Variants in HEATR5A observed in about 807,000 individuals in gnomAD.
HEATR5A encodes the protein HEAT repeat-containing protein 5A.
In HEATR5A, 178 loss-of-function variants were observed where a neutral mutation model predicts 218.8. The observed-to-expected ratio is 0.81, with a 90% CI of 0.72 to 0.92. The LOEUF is 0.92. Ranked by LOEUF, HEATR5A falls within the 40% of genes least tolerant of loss-of-function variation. The pLI, the probability that HEATR5A is intolerant of heterozygous loss-of-function variation, is 0.00. For synonymous variants in HEATR5A, 864 were observed against 871.6 expected (o/e 0.99, Z 0.15); for missense variants, 2,420 against 2,418.9 (o/e 1.00, Z -0.01).
In HEATR5A at chr14:31,326,424, C is replaced by A; in HGVS notation, c.3368-82G>T. ...GAAGCTCACACATTCAGTAGTTATT[C>A]AAATAGTAGATAAAAATACATCTTA... On this transcript the variant is annotated intron_variant, in intron 22 of 35. Coordinates refer to ENST00000543095, the MANE Select transcript of HEATR5A (RefSeq NM_015473.4). 3 of 968,140 alleles carry A rather than the reference C, an allele frequency of 3.1e-6. No homozygotes were observed. The South Asian group carries it at 4.7e-5, about 15-fold the overall frequency. The allele number at this position is 968,140 out of a possible 1,614,324, so 60.0% of individuals were successfully genotyped here.
intron 6 of HEATR5A, among the ~76,000 whole-genome samples, 184 bp downstream of exon 6, chr14:31,393,868 A>C (rs956516714): frequency 2.0e-5 from 3 of 152,110 alleles, no homozygotes; most frequent in African/African-American, 7.2e-5. Context: ...GACTGGTCTC[A>C]AACTTGTGAC....
intron 10 of HEATR5A, among the ~76,000 whole-genome samples, chr14:31,381,961 AAAG>A (rs1185492192): frequency 1.3e-5 from 2 of 152,228 alleles, no homozygotes; most frequent in East Asian, 3.8e-4. Flanking sequence ...TAAATTTTCT[AAAG>A]AAGAAGGCTA....
chr14:31,387,918 G>C (rs1266365474), intron 7 of HEATR5A, among the ~76,000 whole-genome samples: 1 of 152,014 alleles, frequency 6.6e-6, no homozygotes, highest in Non-Finnish European at 1.5e-5. Flanking sequence ...TTTTATTTTG[G>C]TCAGACTACA....
intron 16 of HEATR5A, among the ~76,000 whole-genome samples, chr14:31,351,508 G>GAAAAAAAAAA (rs71430949): frequency 7.7e-6 from 1 of 129,322 alleles, no homozygotes; most frequent in Non-Finnish European, 1.7e-5. Context: ...AAGAAAGAAA[G>GAAAAAAAAAA]AAAAAAAAAA....
intron 11 of HEATR5A, among the ~76,000 whole-genome samples, chr14:31,378,539 G>T (rs747322240): frequency 1.2e-4 from 19 of 152,138 alleles, no homozygotes; most frequent in Non-Finnish European, 1.8e-4. Flanking sequence ...TGTAATCCCA[G>T]CGCTTTGGGA....
At position 31,337,580 on chromosome 14, in the gene HEATR5A, C is replaced by G; in HGVS notation, c.3263G>C (p.Arg1088Thr). Residue 1088 changes from arginine to threonine, a missense_variant, in exon 22 of 36, where the codon AGA becomes ACA. Transcript: ENST00000543095. Reference sequence around the variant, plus strand: ...CTGACGTAAGCAAGCCAGTACTGCTCTTCTCAGTAACAAGTAGGGGCTACA... The same window carrying G: ...CTGACGTAAGCAAGCCAGTACTGCTGTTCTCAGTAACAAGTAGGGGCTACA... ...NLCSPYLLLR[R>T]AVLACLRQLV... 6.2e-7 allele frequency: 1 copy of G among 1,600,328 alleles called. No homozygotes were observed. The highest frequency in any genetic ancestry group is 8.5e-7 in the Non-Finnish European group (1 of 1,173,264).
intron 22 of HEATR5A, among the ~76,000 whole-genome samples, chr14:31,326,683 C>T (rs1350588696): frequency 1.3e-5 from 2 of 151,762 alleles, no homozygotes; most frequent in African/African-American, 4.8e-5. Context: ...ACTCTTGTTG[C>T]CCAGGCTAGA....
At position 31,306,836 on chromosome 14, in the gene HEATR5A, A is replaced by C. The variant is rs1899569696; in HGVS notation, c.4862T>G (p.Leu1621Ter). ...CTGAATGGAAGGTGATTCTCTGGTT[A>C]AAATTACTCGATGTAGAACATTCAG... is the stretch of plus-strand genomic sequence containing the variant. ...ELLNVLHRVI[L>*]TRESPSIQLA... is the part of the protein sequence containing the mutation. Residue 1621 changes from leucine to a stop codon, truncating the protein, a stop_gained, in exon 31 of 36, where the codon TTA (leucine) becomes TGA (stop). Transcript: ENST00000543095. LOFTEE classifies it high-confidence loss of function. The C allele has an allele frequency of 9.3e-6, 15 of 1,613,630 alleles. No homozygotes were observed. The highest frequency in any genetic ancestry group is 1.2e-5 in the Non-Finnish European group (14 of 1,179,654).
intron 4 of HEATR5A, among the ~76,000 whole-genome samples, chr14:31,396,259 G>A (rs1469301514): frequency 2.0e-5 from 3 of 151,972 alleles, no homozygotes; most frequent in African/African-American, 4.8e-5. Flanking sequence ...AGGAGACTGA[G>A]GTGGGAGCGT....
At chr14:31,314,223 T>C (rs886229783) in intron 27 of HEATR5A, among the ~76,000 whole-genome samples, 12 of 151,266 alleles carry the variant, frequency 7.9e-5, no homozygotes, top group Non-Finnish European at 1.5e-4. Flanking sequence ...GCTGGGATTA[T>C]AGGCGTGAGC....
At chr14:31,377,404 T>C (rs1264632933) in intron 11 of HEATR5A, among the ~76,000 whole-genome samples, 1 of 97,384 alleles carries the variant, frequency 1.0e-5, no homozygotes, top group Non-Finnish European at 2.1e-5. Context: ...TTCCATGAGC[T>C]CATAATGATA....
rs1899501298 is a variant in HEATR5A, at chr14:31,304,717, C to T, written c.5239+188G>A. Among the ~76,000 whole-genome samples, 3 of 152,278 alleles carry T rather than the reference C, an allele frequency of 2.0e-5. No individual in the cohort carries two copies. The South Asian group carries it at 6.2e-4, about 32-fold the overall frequency. ...CAGGCGTGAGCCATTGCGCCTAGCCCTCTATATTTTTACTTTTAGTAAAAC... is the reference window on the plus strand; with the variant it reads ...CAGGCGTGAGCCATTGCGCCTAGCCTTCTATATTTTTACTTTTAGTAAAAC... On this transcript the variant is annotated intron_variant, in intron 32 of 35. Transcript: ENST00000543095.
chr14:31,382,719 T>C (rs1216580740), intron 10 of HEATR5A, among the ~76,000 whole-genome samples: 1 of 151,240 alleles, frequency 6.6e-6, no homozygotes, highest in Non-Finnish European at 1.5e-5. Context: ...CATTTTTTGG[T>C]AGCAATACAA....
chr14:31,308,907 TA>T (rs1204360411), intron 29 of HEATR5A, 26 bp downstream of exon 29: 28 of 1,586,542 alleles, frequency 1.8e-5, no homozygotes, highest in Non-Finnish European at 2.3e-5. Context: ...CCTAAGGTTG[TA>T]AACTTGTAAA....
chr14:31,418,203 T>C (rs1221338736), intron 1 of HEATR5A, among the ~76,000 whole-genome samples: 2 of 152,162 alleles, frequency 1.3e-5, no homozygotes, highest in African/African-American at 4.8e-5. Context: ...AGCCAGACCC[T>C]GTCTCGATAA....
intron 22 of HEATR5A, among the ~76,000 whole-genome samples, chr14:31,334,945 CA>C (rs58661759): frequency 0.34 from 32,989 of 96,014 alleles, 3,990 homozygotes; most frequent in African/African-American, 0.4. Context: ...GATTCCATCT[CA>C]AAAAAAAAAA....
At chr14:31,350,857 A>C in intron 16 of HEATR5A, 140 bp from the exon 17 acceptor site, 1 of 555,576 alleles carries the variant, frequency 1.8e-6, no homozygotes, top group Non-Finnish European at 3.2e-6. Context: ...GGCTCACTAC[A>C]ACCTCCACCT....
intron 34 of HEATR5A, among the ~76,000 whole-genome samples, chr14:31,294,626 G>A (rs1664721540): frequency 6.6e-6 from 1 of 151,870 alleles, no homozygotes; most frequent in Non-Finnish European, 1.5e-5. Context: ...GGTCAGGCTG[G>A]TCTCGAACTC....
intron 33 of HEATR5A, among the ~76,000 whole-genome samples, chr14:31,298,776 TC>T (rs889458228): frequency 1.1e-4 from 16 of 152,022 alleles, no homozygotes; most frequent in African/African-American, 3.9e-4. Flanking sequence ...CTCCTTTTTT[TC>T]CCCCGTTAAG....
Sources: allele counts gnomAD v4.1 joint callset (sites outside exome capture counted in the v4.1 genomes callset), GRCh38; gene constraint gnomAD v4.1.1; transcripts MANE v1.5; gene names NCBI Gene and HGNC (gene_info 2026-07-23, HGNC 2026-07-21).